The following PPP1R37 variants were observed in gnomAD, a reference collection of about 807,000 sequenced individuals.
The protein encoded by PPP1R37 is protein phosphatase 1 regulatory subunit 37, also known as leucine rich repeat containing 68.
PPP1R37 carries 21 observed loss-of-function variants against 61.0 expected under a neutral mutation model. The ratio of observed to expected loss-of-function variants is 0.34; its 90% CI spans 0.24 to 0.50. The LOEUF is 0.50. Among genes scored for constraint, PPP1R37 ranks in the 20% least tolerant of loss-of-function variants. The pLI is 0.98. For synonymous variants in PPP1R37, 443 were observed against 433.5 expected, an observed-to-expected ratio of 1.02 and a Z score of -0.27; for missense variants, 910 against 952.7, an observed-to-expected ratio of 0.96 and a Z score of 0.59.
chr19:45,114,590 C>T (rs1968241095), intron 1 of PPP1R37, among the ~76,000 whole-genome samples: 1 of 152,308 alleles, frequency 6.6e-6, no homozygotes, highest in Non-Finnish European at 1.5e-5. Flanking sequence ...TAGGCACCCC[C>T]AAATACAAGG....
intron 1 of PPP1R37, among the ~76,000 whole-genome samples, chr19:45,128,000 T>C (rs898278681): frequency 3.4e-5 from 5 of 148,714 alleles, no homozygotes; most frequent in African/African-American, 1.2e-4. Context: ...AAAAGATAAA[T>C]GTTTGAGGTG....
chr19:45,138,504 G>C lies in PPP1R37; in HGVS notation c.203-10G>C. The C allele has an allele frequency of 6.5e-7, 1 of 1,534,490 alleles. No individual in the cohort carries two copies. On this transcript the variant is annotated splice_polypyrimidine_tract_variant and intron_variant, in intron 1 of 12. Transcript: ENST00000221462. ...GGACAGTCACAGGCCTGGGTCCCCT[G>C]TGCCTGCAGCCCAGAATGTGACCGT...
intron 1 of PPP1R37, among the ~76,000 whole-genome samples, chr19:45,123,068 C>G (rs1968360840): frequency 6.6e-6 from 1 of 152,208 alleles, no homozygotes; most frequent in Non-Finnish European, 1.5e-5. Context: ...CAGCTGATCC[C>G]AGCCTGGCCA....
In PPP1R37 at chr19:45,145,849, C is replaced by T; in HGVS notation, c.1793C>T (p.Pro598Leu). ...TPPSPPPPPS[P>L]PASPSLPPAG... ...CCCTCTCCCCCACCCCCTCCCTCCC[C>T]ACCCGCCTCACCTTCCCTACCACCA... is the stretch of plus-strand genomic sequence containing the variant. Residue 598 changes from proline to leucine, a missense_variant, in exon 11 of 13, where the codon CCA (proline) becomes CTA (leucine). Transcript: ENST00000221462. The T allele has an allele frequency of 1.3e-5, 19 of 1,513,478 alleles. No homozygotes were observed. The highest frequency in any genetic ancestry group is 1.7e-5 in the Non-Finnish European group (19 of 1,131,446). 93.8% of individuals were successfully genotyped at this position (1,513,478 alleles called of 1,614,324 possible). A position where few individuals can be genotyped will look rare whatever the true frequency, so the allele number is the denominator to read the frequency against.
At chr19:45,109,643 C>CACA (rs1471711585) in intron 1 of PPP1R37, among the ~76,000 whole-genome samples, 1 of 152,200 alleles carries the variant, frequency 6.6e-6, no homozygotes, top group Non-Finnish European at 1.5e-5. Context: ...GGTCCCTGGA[C>CACA]ACATCCAGCC....
At chr19:45,101,616 G>A (rs1003324300) in intron 1 of PPP1R37, among the ~76,000 whole-genome samples, 1 of 152,230 alleles carries the variant, frequency 6.6e-6, no homozygotes, top group African/African-American at 2.4e-5. Context: ...TACTCAGGAG[G>A]CTGAGGTGGA....
intron 1 of PPP1R37, among the ~76,000 whole-genome samples, chr19:45,105,432 A>C (rs1361461056): frequency 6.6e-6 from 1 of 151,834 alleles, no homozygotes; most frequent in African/African-American, 2.4e-5. Flanking sequence ...AGTGTTTCCC[A>C]TCTCTCCATG....
chr19:45,141,221 C>A, intron 4 of PPP1R37, 101 bp from the exon 5 acceptor site: 1 of 1,361,086 alleles, frequency 7.3e-7, no homozygotes. Context: ...CTCTCCAGAC[C>A]CTGGACCCAT....
At chr19:45,127,424 A>AG (rs1219089988) in intron 1 of PPP1R37, among the ~76,000 whole-genome samples, 1 of 150,818 alleles carries the variant, frequency 6.6e-6, no homozygotes, top group Non-Finnish European at 1.5e-5. Flanking sequence ...GGAATAGTCT[A>AG]GTGCTCTTGG....
chr19:45,135,444 C>T (rs1968527098), intron 1 of PPP1R37, among the ~76,000 whole-genome samples: 1 of 152,230 alleles, frequency 6.6e-6, no homozygotes, highest in Admixed American at 6.5e-5. Flanking sequence ...GTGCTAGGCC[C>T]GGGCCGGACT....
At chr19:45,093,932 T>A (rs1416840396) in intron 1 of PPP1R37, among the ~76,000 whole-genome samples, 1 of 152,018 alleles carries the variant, frequency 6.6e-6, no homozygotes, top group African/African-American at 2.4e-5. Context: ...GTTTGATGGG[T>A]CTATGGGGGT....
chr19:45,112,306 G>A (rs1968211919), intron 1 of PPP1R37, among the ~76,000 whole-genome samples: 1 of 152,222 alleles, frequency 6.6e-6, no homozygotes, highest in South Asian at 2.1e-4. Context: ...ACAGGCGTGG[G>A]ATTACCTTCT....
At chr19:45,096,640 C>T (rs1318138369) in intron 1 of PPP1R37, among the ~76,000 whole-genome samples, 2 of 152,144 alleles carry the variant, frequency 1.3e-5, no homozygotes, top group African/African-American at 4.8e-5. Context: ...GCAGTTGGAG[C>T]CTGGCTGGGA....
rs1034359057 is a variant in PPP1R37 at position 45,107,307 on chromosome 19, T to TA, written c.202+13788dup. Among the ~76,000 whole-genome samples the TA allele has an allele frequency of 8.6e-5, 13 of 151,520 alleles. No individual in the cohort carries two copies. The East Asian group carries it at 9.7e-4, about 11-fold the overall frequency. ...CAACATAGCAAGACCCAGTCTCTAT[T>TA]AAAAAAAAGGGGAGCCAGGCGCAGT... On this transcript the variant is annotated intron_variant, in intron 1 of 12. Coordinates refer to ENST00000221462, the MANE Select transcript of PPP1R37 (RefSeq NM_019121.2).
At chr19:45,110,830 A>G (rs1465630682) in intron 1 of PPP1R37, among the ~76,000 whole-genome samples, 1 of 152,190 alleles carries the variant, frequency 6.6e-6, no homozygotes, top group Non-Finnish European at 1.5e-5. Context: ...ACAGTTTCTA[A>G]AATTCCAATC....
chr19:45,114,779 C>A (rs879842434), intron 1 of PPP1R37, among the ~76,000 whole-genome samples: 3 of 151,974 alleles, frequency 2.0e-5, no homozygotes, highest in Non-Finnish European at 4.4e-5. Flanking sequence ...GACCCCCCCC[C>A]CCATCTCCAC....
At position 45,093,184 on chromosome 19, in the gene PPP1R37, C is replaced by T; in HGVS notation, c.-142C>T. 2.1e-5 allele frequency: 14 copies of T among 665,796 alleles called. No individual in the cohort carries two copies. The South Asian group carries it at 3.5e-4, about 17-fold the overall frequency. The allele number at this position is 665,796 out of a possible 1,614,324, so 41.2% of individuals were successfully genotyped here. ...GCGCTTGGGCTCCCGGCGGCGACGA[C>T]TACGACCACTAGGAGAGCGGACGGA... On this transcript the variant is annotated 5_prime_UTR_variant, in exon 1 of 13. Coordinates refer to ENST00000221462, the MANE Select transcript of PPP1R37 (RefSeq NM_019121.2).
At chr19:45,128,585 C>G (rs1382689270) in intron 1 of PPP1R37, 2 of 1,262,796 alleles carry the variant, frequency 1.6e-6, no homozygotes, top group East Asian at 2.7e-5. Context: ...ATGATTTGGA[C>G]TTCGAGACAA....
Position 45,142,382 on chromosome 19 carries a change from C to A in PPP1R37, c.798C>A (p.Ala266=). ...DNKLNGLQDS[A]QLGNLLKFNC... is the part of the protein sequence containing the mutation. ...AGCTCAACGGCCTGCAGGACTCGGC[C>A]CAGCTGGGTAACCTGCTCAAGTTCA... Residue 266 remains alanine (A), a synonymous_variant, in exon 7 of 13, where the codon GCC becomes GCA. Transcript: ENST00000221462. 1 of 1,536,118 alleles carries A rather than the reference C, an allele frequency of 6.5e-7. No homozygotes were observed. The highest frequency in any genetic ancestry group is 8.7e-7 in the Non-Finnish European group (1 of 1,146,920).
Sources: allele counts gnomAD v4.1 joint callset (sites outside exome capture counted in the v4.1 genomes callset), GRCh38; gene constraint gnomAD v4.1.1; transcripts MANE v1.5; gene names NCBI Gene and HGNC (gene_info 2026-07-23, HGNC 2026-07-21).